EIF2B3: variants seen among roughly 807,000 people sequenced by gnomAD.
EIF2B3 encodes the protein translation initiation factor eIF2B subunit gamma.
A neutral mutation model predicts 54.1 loss-of-function variants in EIF2B3; 20 were observed. The observed-to-expected ratio is 0.37, with a 90% confidence interval of 0.26 to 0.54. The LOEUF (loss-of-function observed/expected upper bound fraction) is 0.54. Among genes scored for constraint, EIF2B3 ranks in the 20% least tolerant of loss-of-function variants. The probability of loss-of-function intolerance (pLI) is 0.86; values close to 1 mark genes in which losing one functional copy is unlikely to be tolerated. For missense variants in EIF2B3, 448 were observed against 547.8 expected, an observed-to-expected ratio of 0.82 and a Z score of 1.82; for synonymous variants, 153 against 188.1, an observed-to-expected ratio of 0.81 and a Z score of 1.52.
intron 10 of EIF2B3, among the ~76,000 whole-genome samples, chr1:44,863,330 C>T (rs1015935873): frequency 1.3e-5 from 2 of 152,096 alleles, no homozygotes; most frequent in Non-Finnish European, 1.5e-5. Context: ...CTAAGCTGGT[C>T]CAAGTATCTC....
chr1:44,946,455 T>TTTTTTTTTTTA (rs1644103173), intron 3 of EIF2B3, among the ~76,000 whole-genome samples: 1 of 151,678 alleles, frequency 6.6e-6, no homozygotes, highest in Admixed American at 6.6e-5. Context: ...TTTTTTTTTT[T>TTTTTTTTTTTA]GAGACAGGGT....
At chr1:44,959,131 G>T in intron 3 of EIF2B3, 1 of 760,430 alleles carries the variant, frequency 1.3e-6, no homozygotes, top group South Asian at 1.5e-5. Flanking sequence ...TAACCGTGAA[G>T]GCACCCTTGA....
chr1:44,921,135 T>A (rs560970791), intron 5 of EIF2B3, among the ~76,000 whole-genome samples: 2 of 152,360 alleles, frequency 1.3e-5, no homozygotes, highest in East Asian at 3.9e-4. Flanking sequence ...TCTCTGATGA[T>A]CAGTGATGTT....
chr1:44,968,372 G>GGA (rs555642394), intron 3 of EIF2B3, among the ~76,000 whole-genome samples: 3 of 118,106 alleles, frequency 2.5e-5, no homozygotes, highest in African/African-American at 9.1e-5. Flanking sequence ...TTAAAAAAAG[G>GGA]AAAAAAAAAA....
chr1:44,901,550 CTTTTTTT>C (rs36059931), intron 5 of EIF2B3, among the ~76,000 whole-genome samples: 12 of 111,584 alleles, frequency 1.1e-4, no homozygotes, highest in African/African-American at 2.4e-4. Context: ...TGGGCCTGGC[CTTTTTTT>C]TTTTTTTTTT....
At chr1:44,973,161 A>C (rs1420149744) in intron 3 of EIF2B3, among the ~76,000 whole-genome samples, 1 of 152,222 alleles carries the variant, frequency 6.6e-6, no homozygotes, top group Non-Finnish European at 1.5e-5. Context: ...AAAATTAAAC[A>C]CAGAAATAGC....
chr1:44,896,615 G>T (rs1293997208), intron 6 of EIF2B3, among the ~76,000 whole-genome samples: 2 of 152,186 alleles, frequency 1.3e-5, no homozygotes, highest in Non-Finnish European at 2.9e-5. Flanking sequence ...AACTTATCCA[G>T]CAGTCATCAA....
At chr1:44,940,431 C>G (rs12751786) in intron 4 of EIF2B3, among the ~76,000 whole-genome samples, 5 of 149,972 alleles carry the variant, frequency 3.3e-5, no homozygotes, top group African/African-American at 1.3e-4. Flanking sequence ...AAGTATGTTA[C>G]AATCAAAATA....
rs1655401174 is a variant in EIF2B3, at chr1:44,881,536, G to A, written c.784+76C>T. ...GCCTTGAGTCAGGCATCTTGGGCTG[G>A]GCTAAGCTGCCCAACCACTCTTTCC... On this transcript the variant is annotated intron_variant, in intron 7 of 11. Transcript: ENST00000360403. The surrounding 1 kb of genome is among the most constrained non-coding windows in gnomAD (Gnocchi z 4.0). 1.3e-6 allele frequency: 2 copies of A among 1,588,206 alleles called. No individual in the cohort carries two copies. The highest frequency in any genetic ancestry group is 2.2e-5 in the South Asian group (2 of 90,102).
At chr1:44,950,254 C>G (rs1338745029) in intron 3 of EIF2B3, among the ~76,000 whole-genome samples, 1 of 152,102 alleles carries the variant, frequency 6.6e-6, no homozygotes, top group African/African-American at 2.4e-5. Flanking sequence ...GAGACCTTAT[C>G]TCTACAAAAA....
chr1:44,941,036 G>A (rs551794954), intron 4 of EIF2B3, among the ~76,000 whole-genome samples: 28 of 151,382 alleles, frequency 1.8e-4, no homozygotes, highest in African/African-American at 6.3e-4. Flanking sequence ...ACAGGCACAC[G>A]CCACCACGCC....
intron 5 of EIF2B3, among the ~76,000 whole-genome samples, chr1:44,922,480 G>A (rs1643768355): frequency 6.6e-6 from 1 of 151,110 alleles, no homozygotes; most frequent in African/African-American, 2.4e-5. Flanking sequence ...CCAGCTACTT[G>A]GGCGGCTGAG....
At chr1:44,971,121 C>T (rs536116896) in intron 3 of EIF2B3, among the ~76,000 whole-genome samples, 9 of 152,292 alleles carry the variant, frequency 5.9e-5, no homozygotes, top group African/African-American at 1.7e-4. Flanking sequence ...CAGTGGCTCA[C>T]GCCTATAATC....
intron 3 of EIF2B3, among the ~76,000 whole-genome samples, chr1:44,976,433 TAA>T (rs1382845264): frequency 6.6e-6 from 1 of 152,232 alleles, no homozygotes; most frequent in Non-Finnish European, 1.5e-5. Flanking sequence ...TGGTTAAAAT[TAA>T]AAAGACTGAC....
At chr1:44,978,833 C>T (rs372564614) in intron 2 of EIF2B3, among the ~76,000 whole-genome samples, 14 of 151,122 alleles carry the variant, frequency 9.3e-5, no homozygotes, top group African/African-American at 1.7e-4. Flanking sequence ...GATGAGGTTT[C>T]GCTCTGTTGC....
chr1:44,952,782 T>G (rs946244174), intron 3 of EIF2B3, among the ~76,000 whole-genome samples: 33 of 150,808 alleles, frequency 2.2e-4, no homozygotes, highest in East Asian at 7.9e-4. Flanking sequence ...TCGATCTCCT[T>G]ACCTCGTGAT....
intron 3 of EIF2B3, among the ~76,000 whole-genome samples, chr1:44,973,061 AAGAG>A (rs1201845535): frequency 6.6e-6 from 1 of 152,206 alleles, no homozygotes; most frequent in Non-Finnish European, 1.5e-5. Flanking sequence ...CAAGAAAAGA[AAGAG>A]AGAAAGAGGT....
chr1:44,857,455 C>T (rs1035196421), intron 11 of EIF2B3, among the ~76,000 whole-genome samples: 9 of 151,664 alleles, frequency 5.9e-5, no homozygotes, highest in African/African-American at 1.7e-4. Flanking sequence ...CGCTTGAACC[C>T]GGGAGGCGGA....
At chr1:44,937,832 C>T (rs1329558926) in intron 4 of EIF2B3, among the ~76,000 whole-genome samples, 2 of 125,778 alleles carry the variant, frequency 1.6e-5, no homozygotes, top group African/African-American at 3.0e-5. Context: ...TGCAGTGAGC[C>T]GAGATCGCGC....
Sources: gnomAD v4.1 joint callset for allele counts (sites outside exome capture counted in the v4.1 genomes callset) on GRCh38, gnomAD v4.1.1 for gene constraint, Gnocchi (gnomAD v3.1) non-coding constraint, MANE v1.5 for transcripts, NCBI Gene and HGNC (gene_info 2026-07-23, HGNC 2026-07-21) for gene names.